CBX5: variants seen among roughly 807,000 people sequenced by gnomAD.
CBX5 encodes chromobox 5, also known as chromobox protein homolog 5.
In CBX5, 7 loss-of-function variants were observed where a neutral mutation model predicts 20.7. That is an observed-to-expected ratio of 0.34 (90% CI 0.19 to 0.63). The LOEUF (loss-of-function observed/expected upper bound fraction) is 0.63. Among genes scored for constraint, CBX5 ranks in the 30% least tolerant of loss-of-function variants. The pLI is 0.75. For synonymous variants in CBX5, 78 were observed against 77.0 expected (o/e 1.01, Z -0.07); for missense variants, 110 against 224.1 (o/e 0.49, Z 3.25).
chr12:54,252,744 G>A (rs889202193), intron 2 of CBX5, among the ~76,000 whole-genome samples: 1 of 151,818 alleles, frequency 6.6e-6, no homozygotes, highest in African/African-American at 2.4e-5. Context: ...CAGCACTCTG[G>A]GAGGCCGAGG....
intron 1 of CBX5, among the ~76,000 whole-genome samples, chr12:54,269,348 A>G (rs1166312145): frequency 6.6e-6 from 1 of 152,152 alleles, no homozygotes; most frequent in Non-Finnish European, 1.5e-5. Flanking sequence ...ATTTCTTCCT[A>G]AAAGGTTTGG....
At chr12:54,277,799 AAAT>A (rs1349737513) in intron 1 of CBX5, among the ~76,000 whole-genome samples, 8 of 152,158 alleles carry the variant, frequency 5.3e-5, no homozygotes, top group African/African-American at 1.4e-4. Flanking sequence ...CCAATTGGTA[AAAT>A]AATGGATTTT....
Position 54,257,705 on chromosome 12 carries a change from A to AG in CBX5, c.-42-14dup. 3 of 1,603,952 alleles carry AG rather than the reference A, an allele frequency of 1.9e-6. No homozygotes were observed. Among genetic ancestry groups the AG allele is most frequent in the Non-Finnish European group, 2.6e-6 (3 of 1,173,062 alleles). On this transcript the variant is annotated splice_polypyrimidine_tract_variant and intron_variant, in intron 1 of 4. Coordinates refer to ENST00000209875, the MANE Select transcript of CBX5 (RefSeq NM_012117.3). ...GGCCACCAGGTCCCTGCAAAGGCAA[A>AG]GGACAAAATGGTTAGAATCCATGTG...
chr12:54,263,777 A>G (rs1288909996), intron 1 of CBX5, among the ~76,000 whole-genome samples: 3 of 148,746 alleles, frequency 2.0e-5, no homozygotes, highest in Non-Finnish European at 4.5e-5. Context: ...AAAAAAAAAA[A>G]AAAAAAGAAA....
Position 54,241,796 on chromosome 12 carries a change from C to T in CBX5, c.535G>A (p.Glu179Lys). The T allele has an allele frequency of 1.9e-6, 3 of 1,613,008 alleles. No individual in the cohort carries two copies. Among genetic ancestry groups the T allele is most frequent in the Non-Finnish European group, 2.5e-6 (3 of 1,179,802 alleles). Residue 179 changes from glutamate to lysine, a missense_variant, in exon 5 of 5, where the codon GAG (glutamate) becomes AAG (lysine). Physicochemically the swap from Glu to Lys is moderately conservative, Grantham distance 56. Around this residue, in one of 3 missense-constraint regions of CBX5, gnomAD observed 31 missense variants for 84.9 expected, o/e 0.37. Transcript: ENST00000209875. ...TCTTTCTCTTTGTTTTCCGCATCCT[C>T]AGGATATGCATGCCATGTCAGTCTC... ...EERLTWHAYP[E>K]DAENKEKETA...
chr12:54,251,971 T>A (rs1381240752), intron 3 of CBX5, 70 bp downstream of exon 3: 1 of 1,327,136 alleles, frequency 7.5e-7, no homozygotes, highest in Non-Finnish European at 1.0e-6. Context: ...CAAAATATGA[T>A]ACTTTTATTT....
chr12:54,261,293 T>G (rs1943914305), intron 1 of CBX5, among the ~76,000 whole-genome samples: 1 of 151,918 alleles, frequency 6.6e-6, no homozygotes, highest in Non-Finnish European at 1.5e-5. Flanking sequence ...TAGAAATTTT[T>G]TTCTTTTTTC....
At chr12:54,260,207 A>AG (rs1167431117) in intron 1 of CBX5, among the ~76,000 whole-genome samples, 1 of 149,926 alleles carries the variant, frequency 6.7e-6, no homozygotes, top group Non-Finnish European at 1.5e-5. Flanking sequence ...TTAGAGGTGG[A>AG]GGGCCAGGTG....
At chr12:54,252,338 C>T in intron 2 of CBX5, 111 bp from the exon 3 acceptor site, 1 of 650,638 alleles carries the variant, frequency 1.5e-6, no homozygotes, top group East Asian at 3.2e-5. Context: ...GACAGAGAAA[C>T]CCTATGCTTT....
At chr12:54,247,885 G>A (rs1258002124) in intron 3 of CBX5, among the ~76,000 whole-genome samples, 1 of 149,988 alleles carries the variant, frequency 6.7e-6, no homozygotes, top group Non-Finnish European at 1.5e-5. Flanking sequence ...CTGTTGCCCA[G>A]GCTGGAGTGC....
intron 1 of CBX5, among the ~76,000 whole-genome samples, chr12:54,275,253 TTTC>T (rs1235796541): frequency 1.3e-5 from 2 of 152,092 alleles, no homozygotes; most frequent in African/African-American, 2.4e-5. Flanking sequence ...TAAGTTTTTT[TTTC>T]TTTTTTGAGA....
At chr12:54,242,902 A>G (rs1943693184) in intron 4 of CBX5, among the ~76,000 whole-genome samples, 1 of 152,108 alleles carries the variant, frequency 6.6e-6, no homozygotes, top group African/African-American at 2.4e-5. Flanking sequence ...AGGCAGGTGG[A>G]TCGCTTGAGC....
intron 1 of CBX5, among the ~76,000 whole-genome samples, chr12:54,278,312 C>G (rs1944090319): frequency 6.6e-6 from 1 of 152,198 alleles, no homozygotes; most frequent in African/African-American, 2.4e-5. Context: ...CTAAATAAAT[C>G]CAGGACAGAT....
chr12:54,231,585 G>A lies in CBX5; in HGVS notation c.*10170C>T, dbSNP rs1195366621. ...GAGGGAAAGCAGAAAGAGCCCTATT[G>A]GGAAGAGGAGCTGGCTGCGCCCCTA... On this transcript the variant is annotated 3_prime_UTR_variant, in exon 5 of 5. Coordinates refer to ENST00000209875, the MANE Select transcript of CBX5 (RefSeq NM_012117.3). 6.5e-6 allele frequency: 1 copy of A among 153,306 alleles called. No individual in the cohort carries two copies. Among genetic ancestry groups the A allele is most frequent in the Admixed American group, 6.5e-5 (1 of 15,280 alleles). The allele number at this position is 153,306 out of a possible 1,614,324, so 9.5% of individuals were successfully genotyped here. A position where few individuals can be genotyped will look rare whatever the true frequency, so the allele number is the denominator to read the frequency against.
At position 54,248,445 on chromosome 12, in the gene CBX5, G is replaced by C. The variant is rs78443568; in HGVS notation, c.325-2230C>G. On this transcript the variant is annotated intron_variant, in intron 3 of 4. Transcript: ENST00000209875. ...AATCTCTTTGATCTTATGTTCACCT[G>C]CTTTCCTCTGAGACATACAAAGCAT... 1.8e-3 allele frequency among the ~76,000 whole-genome samples: 277 copies of C among 152,314 alleles called. 1 individual carries two copies. In the East Asian group the frequency reaches 0.03, roughly 16 times the overall value.
chr12:54,269,319 T>A (rs1943987550), intron 1 of CBX5, among the ~76,000 whole-genome samples: 1 of 151,914 alleles, frequency 6.6e-6, no homozygotes, highest in Non-Finnish European at 1.5e-5. Context: ...TCTGGAAGAG[T>A]TTGTTGTATA....
intron 4 of CBX5, among the ~76,000 whole-genome samples, chr12:54,245,356 G>A (rs1206346111): frequency 1.3e-5 from 2 of 151,840 alleles, no homozygotes; most frequent in Non-Finnish European, 2.9e-5. Flanking sequence ...CTGATATGTA[G>A]TACTATAATT....
chr12:54,268,021 G>C (rs1408381817), intron 1 of CBX5, among the ~76,000 whole-genome samples: 4 of 152,090 alleles, frequency 2.6e-5, no homozygotes, highest in African/African-American at 9.7e-5. Context: ...GTGGGCGCCT[G>C]TAATCCCAGT....
chr12:54,272,855 C>T (rs1228498146), intron 1 of CBX5: 2 of 152,216 alleles, frequency 1.3e-5, no homozygotes, highest in South Asian at 2.1e-4. Flanking sequence ...ACTTATCCAA[C>T]TCCTTCCCTA....
Sources: gnomAD v4.1 joint callset for allele counts (sites outside exome capture counted in the v4.1 genomes callset) on GRCh38, gnomAD v4.1.1 for gene constraint, gnomAD v4.1.1 regional missense constraint, MANE v1.5 for transcripts, NCBI Gene and HGNC (gene_info 2026-07-23, HGNC 2026-07-21) for gene names.